DYSF: variants seen among roughly 807,000 people sequenced by gnomAD.
DYSF encodes dysferlin, also known as dystrophy-associated fer-1-like 1.
DYSF carries 212 observed loss-of-function variants against 274.9 expected under a neutral mutation model. The ratio of observed to expected loss-of-function variants is 0.77; its 90% CI spans 0.69 to 0.86. The LOEUF (loss-of-function observed/expected upper bound fraction) is 0.86, where lower values mean the gene tolerates loss of function less well. Ranked by LOEUF, DYSF falls within the 40% of genes least tolerant of loss-of-function variation. DYSF has a pLI of 0.00. For synonymous variants in DYSF, 1,091 were observed against 1,078.7 expected, an observed-to-expected ratio of 1.01 and a Z score of -0.22; for missense variants, 2,666 against 2,783.2, an observed-to-expected ratio of 0.96 and a Z score of 0.95.
At chr2:71,460,407 G>A (rs1362535386) in intron 1 of DYSF, among the ~76,000 whole-genome samples, 1 of 152,166 alleles carries the variant, frequency 6.6e-6, no homozygotes, top group African/African-American at 2.4e-5. Context: ...AGGGAGGCTG[G>A]GAAATGTTTT....
At chr2:71,643,905 G>T (rs2094526422) in intron 41 of DYSF, 60 bp from the exon 42 acceptor site, 3 of 1,383,860 alleles carry the variant, frequency 2.2e-6, no homozygotes, top group Non-Finnish European at 3.0e-6. Flanking sequence ...TTCCAACTCT[G>T]AAGAATGCTG....
chr2:71,630,357 G>C (rs1346509090), intron 41 of DYSF, among the ~76,000 whole-genome samples: 1 of 152,222 alleles, frequency 6.6e-6, no homozygotes, highest in Non-Finnish European at 1.5e-5. Flanking sequence ...GGGTTAGCTA[G>C]GGTAGGCCAG....
At chr2:71,627,464 G>A (rs1222126767) in intron 41 of DYSF, among the ~76,000 whole-genome samples, 4 of 152,008 alleles carry the variant, frequency 2.6e-5, no homozygotes, top group Non-Finnish European at 4.4e-5. Flanking sequence ...TGTGTGTAAC[G>A]ATATAATACT....
At position 71,551,103 on chromosome 2, in the gene DYSF, C is replaced by T. The variant is rs559177313; in HGVS notation, c.1639C>T (p.Pro547Ser). The part of the protein sequence containing the change: ...GPCYINLYGS[P>S]REFTGFPDPY... Reference sequence around the variant, plus strand: ...CTGCTACATCAACCTCTATGGCAGTCCCAGAGAGTTCACAGGCTTCCCAGA... The same window carrying T: ...CTGCTACATCAACCTCTATGGCAGTTCCAGAGAGTTCACAGGCTTCCCAGA... Residue 547 changes from proline (P) to serine (S), a missense_variant, in exon 18 of 56, where the codon CCC (proline) becomes TCC (serine). This residue lies in a region of DYSF where 794 missense variants were observed against 777.1 expected (regional missense o/e 1.02). Coordinates refer to ENST00000410020, the MANE Select transcript of DYSF (RefSeq NM_001130987.2). 28 of 1,614,132 alleles carry T rather than the reference C, an allele frequency of 1.7e-5. No homozygotes were observed. In the South Asian group the frequency reaches 2.1e-4, roughly 12 times the overall value.
At chr2:71,563,311 AC>A (rs1307143031) in intron 23 of DYSF, among the ~76,000 whole-genome samples, 4 of 152,190 alleles carry the variant, frequency 2.6e-5, no homozygotes, top group African/African-American at 4.8e-5. Flanking sequence ...CAGTGAAGCG[AC>A]GCATGGGCAT....
intron 17 of DYSF, among the ~76,000 whole-genome samples, chr2:71,544,711 T>C (rs2090327984): frequency 6.6e-6 from 1 of 152,188 alleles, no homozygotes; most frequent in Non-Finnish European, 1.5e-5. Context: ...TCCACCTGCC[T>C]TGGCCTCCCA....
chr2:71,525,355 C>G (rs781433870), intron 12 of DYSF, among the ~76,000 whole-genome samples: 1 of 152,284 alleles, frequency 6.6e-6, no homozygotes, highest in Middle Eastern at 3.4e-3. Context: ...CTCTGAGTAG[C>G]TGGGACTACA....
chr2:71,573,742 T>A (rs978866482), intron 29 of DYSF, among the ~76,000 whole-genome samples: 1 of 152,210 alleles, frequency 6.6e-6, no homozygotes, highest in African/African-American at 2.4e-5. Flanking sequence ...TGCGTCAGCC[T>A]ACCTTCCTTT....
rs115643761 is a variant in DYSF, at chr2:71,630,469, C to T, written c.4527+9860C>T. On this transcript the variant is annotated intron_variant, in intron 41 of 55. Transcript: ENST00000410020. ...ACTAGGCCCACCAGGCAGGGTGTTA[C>T]TTTAGGGAAGTTTCTACAGTTTTGG... is the stretch of plus-strand genomic sequence containing the variant. Among the ~76,000 whole-genome samples the T allele has an allele frequency of 4.0e-3, 607 of 152,332 alleles. 3 individuals carry two copies. Among genetic ancestry groups the T allele is most frequent in the African/African-American group, 0.014 (590 of 41,586 alleles).
At chr2:71,617,056 GC>G (rs1221343690) in intron 40 of DYSF, among the ~76,000 whole-genome samples, 1 of 152,106 alleles carries the variant, frequency 6.6e-6, no homozygotes, top group Non-Finnish European at 1.5e-5. Context: ...TAGAGGCTGT[GC>G]CCCCAGAAAT....
intron 53 of DYSF, 138 bp downstream of exon 53, chr2:71,679,373 T>C (rs575391502): frequency 8.6e-5 from 73 of 847,566 alleles, no homozygotes; most frequent in African/African-American, 4.1e-4. Flanking sequence ...CCATCCCCCC[T>C]CTCTCTCTAT....
intron 52 of DYSF, among the ~76,000 whole-genome samples, chr2:71,678,189 A>T (rs1057174348): frequency 6.6e-6 from 1 of 152,220 alleles, no homozygotes; most frequent in Non-Finnish European, 1.5e-5. Context: ...TTTATGCATG[A>T]AACAAAGTTT....
At chr2:71,510,965 A>G (rs1044453278) in intron 4 of DYSF, among the ~76,000 whole-genome samples, 2 of 152,170 alleles carry the variant, frequency 1.3e-5, no homozygotes, top group Non-Finnish European at 2.9e-5. Flanking sequence ...GTGCTTCCCA[A>G]ACTTTCTTAG....
chr2:71,557,148 A>C (rs1371617749), intron 22 of DYSF, among the ~76,000 whole-genome samples: 1 of 152,246 alleles, frequency 6.6e-6, no homozygotes, highest in Non-Finnish European at 1.5e-5. Flanking sequence ...CAAAGGTACA[A>C]CTTCAGCCCT....
chr2:71,682,708 G>C, intron 55 of DYSF, 31 bp downstream of exon 55: 1 of 1,605,272 alleles, frequency 6.2e-7, no homozygotes. Flanking sequence ...TGTGGTGGGG[G>C]AACTCTGGGT....
rs906662669 is a variant in DYSF at position 71,569,409 on chromosome 2, T to C, written c.2865-411T>C. Among the ~76,000 whole-genome samples, 5 of 152,238 alleles carry C rather than the reference T, an allele frequency of 3.3e-5. No individual in the cohort carries two copies. The East Asian group carries it at 9.6e-4, about 29-fold the overall frequency. ...CTCTCCTCTCCTTTTCCTGTTTGGT[T>C]GGCATTCAACTCTGTGGTGTTTAAC... On this transcript the variant is annotated intron_variant, in intron 26 of 55. Transcript: ENST00000410020.
intron 14 of DYSF, among the ~76,000 whole-genome samples, chr2:71,532,165 T>C (rs867099674): frequency 6.6e-6 from 1 of 152,256 alleles, no homozygotes; most frequent in Non-Finnish European, 1.5e-5. Flanking sequence ...CAGATGAGTA[T>C]ACCATAACAT....
intron 21 of DYSF, 27 bp downstream of exon 21, chr2:71,553,958 A>G: frequency 6.2e-7 from 1 of 1,614,090 alleles, no homozygotes; most frequent in South Asian, 1.1e-5. Flanking sequence ...CCAAAGCTGC[A>G]CATGCCTATG....
At chr2:71,654,764 A>G (rs1250550571) in intron 42 of DYSF, among the ~76,000 whole-genome samples, 1 of 151,988 alleles carries the variant, frequency 6.6e-6, no homozygotes, top group Non-Finnish European at 1.5e-5. Context: ...AAAGATTTTC[A>G]TGGTACATCA....
Sources: gnomAD v4.1 joint callset for allele counts (sites outside exome capture counted in the v4.1 genomes callset) on GRCh38, gnomAD v4.1.1 for gene constraint, gnomAD v4.1.1 regional missense constraint, MANE v1.5 for transcripts, NCBI Gene and HGNC (gene_info 2026-07-23, HGNC 2026-07-21) for gene names.